The following NXPH2 variants were observed in gnomAD, a reference collection of about 807,000 sequenced individuals.
NXPH2 encodes the protein neurexophilin 2.
Under a neutral mutation model 19.8 loss-of-function variants are expected in NXPH2, and 5 were observed. That is an observed-to-expected ratio of 0.25 (90% CI 0.13 to 0.53). The LOEUF (loss-of-function observed/expected upper bound fraction) is 0.53. Ranked by LOEUF, NXPH2 falls within the 20% of genes least tolerant of loss-of-function variation. The probability of loss-of-function intolerance (pLI) is 0.96; values close to 1 mark genes in which losing one functional copy is unlikely to be tolerated. For missense variants in NXPH2, 289 were observed against 322.8 expected (o/e 0.90, Z 0.80); for synonymous variants, 154 against 127.4 (o/e 1.21, Z -1.41).
At chr2:138,769,999 A>T (rs1682152146) in intron 1 of NXPH2, among the ~76,000 whole-genome samples, 1 of 152,238 alleles carries the variant, frequency 6.6e-6, no homozygotes. Flanking sequence ...AAACAAATTT[A>T]AGGATACAGA....
chr2:138,720,635 A>G (rs1380973862), intron 1 of NXPH2, among the ~76,000 whole-genome samples: 5 of 152,212 alleles, frequency 3.3e-5, no homozygotes, highest in Admixed American at 3.3e-4. Flanking sequence ...CAGCTCTTTG[A>G]AGGAACTGTA....
At chr2:138,729,966 G>A (rs1681421778) in intron 1 of NXPH2, among the ~76,000 whole-genome samples, 1 of 152,112 alleles carries the variant, frequency 6.6e-6, no homozygotes, top group African/African-American at 2.4e-5. Flanking sequence ...TCACAGTCCT[G>A]GAGGTTAAAA....
intron 1 of NXPH2, among the ~76,000 whole-genome samples, chr2:138,738,255 T>A (rs1681584294): frequency 6.6e-6 from 1 of 152,186 alleles, no homozygotes; most frequent in African/African-American, 2.4e-5. Context: ...TTCTAAAATT[T>A]ATTTTCTTCA....
intron 1 of NXPH2, among the ~76,000 whole-genome samples, chr2:138,775,816 GC>G (rs1682252470): frequency 6.6e-6 from 1 of 152,048 alleles, no homozygotes; most frequent in South Asian, 2.1e-4. Flanking sequence ...ATTTTTTAAA[GC>G]CGTTTTGAAA....
intron 1 of NXPH2, among the ~76,000 whole-genome samples, chr2:138,742,665 T>C (rs1483754505): frequency 1.3e-5 from 2 of 152,168 alleles, no homozygotes; most frequent in South Asian, 2.1e-4. Context: ...TGGCTGAAAC[T>C]GTATCCATTC....
chr2:138,731,188 C>T (rs1681443124), intron 1 of NXPH2, among the ~76,000 whole-genome samples: 1 of 151,954 alleles, frequency 6.6e-6, no homozygotes, highest in East Asian at 1.9e-4. Flanking sequence ...TTTTGTTCAC[C>T]CTGCATAGGA....
chr2:138,777,831 T>TAAAAAAAAAAA (rs11299940), intron 1 of NXPH2, among the ~76,000 whole-genome samples: 9 of 92,952 alleles, frequency 9.7e-5, no homozygotes, highest in East Asian at 3.3e-4. Context: ...ACCAAAAAAT[T>TAAAAAAAAAAA]AAAAAAAAAA....
intron 1 of NXPH2, among the ~76,000 whole-genome samples, chr2:138,680,475 A>G (rs1182239831): frequency 1.3e-5 from 2 of 152,222 alleles, no homozygotes; most frequent in African/African-American, 4.8e-5. Flanking sequence ...TTTGTGCTGT[A>G]GGCACTGAGA....
chr2:138,757,383 A>G lies in NXPH2; in HGVS notation c.51+22808T>C, dbSNP rs560715114. ...GAACATGAAGCAGCAGCAGGCCTAT[A>G]ATGATTCCACCTTCCCTTGGGTCCT... On this transcript the variant is annotated intron_variant, in intron 1 of 1. Coordinates refer to ENST00000272641, the MANE Select transcript of NXPH2 (RefSeq NM_007226.3). 9.2e-5 allele frequency among the ~76,000 whole-genome samples: 14 copies of G among 152,252 alleles called. 2 individuals carry two copies. The South Asian group carries it at 2.9e-3, about 32-fold the overall frequency.
At chr2:138,721,899 T>C (rs531511377) in intron 1 of NXPH2, among the ~76,000 whole-genome samples, 1 of 152,364 alleles carries the variant, frequency 6.6e-6, no homozygotes, top group South Asian at 2.1e-4. Flanking sequence ...TTGAGTATTC[T>C]GTCTTTATTG....
At chr2:138,739,257 G>A (rs1026840214) in intron 1 of NXPH2, among the ~76,000 whole-genome samples, 1 of 152,104 alleles carries the variant, frequency 6.6e-6, no homozygotes, top group African/African-American at 2.4e-5. Flanking sequence ...ACACTAGGAG[G>A]CTCCAGGAAG....
At chr2:138,744,683 T>C (rs1681698802) in intron 1 of NXPH2, among the ~76,000 whole-genome samples, 1 of 152,160 alleles carries the variant, frequency 6.6e-6, no homozygotes, top group African/African-American at 2.4e-5. Flanking sequence ...ACGGACCTGC[T>C]TGAACATGCT....
At chr2:138,749,845 A>T (rs1035047836) in intron 1 of NXPH2, among the ~76,000 whole-genome samples, 20 of 152,186 alleles carry the variant, frequency 1.3e-4, no homozygotes. Context: ...CAAACTTAAG[A>T]CCAATGCAAG....
intron 1 of NXPH2, among the ~76,000 whole-genome samples, chr2:138,753,628 A>G (rs78887261): frequency 0.025 from 3,805 of 152,222 alleles, 65 homozygotes; most frequent in South Asian, 0.04. Flanking sequence ...TTTTATGTGC[A>G]ACCATGTGTA....
chr2:138,761,293 A>G (rs1053200229), intron 1 of NXPH2, among the ~76,000 whole-genome samples: 1 of 152,124 alleles, frequency 6.6e-6, no homozygotes, highest in African/African-American at 2.4e-5. Context: ...GTTTCGTCTG[A>G]TTGATGTCAT....
chr2:138,677,425 A>G (rs1347092854), intron 1 of NXPH2, among the ~76,000 whole-genome samples: 3 of 152,220 alleles, frequency 2.0e-5, no homozygotes, highest in Admixed American at 2.0e-4. Flanking sequence ...CACATTAGCT[A>G]GATACAATGA....
At chr2:138,747,469 G>A (rs142129691) in intron 1 of NXPH2, among the ~76,000 whole-genome samples, 32 of 152,246 alleles carry the variant, frequency 2.1e-4, no homozygotes, top group African/African-American at 4.3e-4. Context: ...AAGGGGCCCC[G>A]TGTGGTACAC....
Position 138,736,228 on chromosome 2 carries a change from C to T in NXPH2, c.51+43963G>A, listed in dbSNP as rs72988948. On this transcript the variant is annotated intron_variant, in intron 1 of 1. Coordinates refer to ENST00000272641, the MANE Select transcript of NXPH2 (RefSeq NM_007226.3). The stretch of plus-strand genomic sequence containing the variant: ...GGGGCTCCTATCTCACACTTCCCTT[C>T]TGCACTTCCCCAGCAGAGGTTCTCC... Among the ~76,000 whole-genome samples the T allele has an allele frequency of 2.5e-3, 386 of 152,332 alleles. 1 individual carries two copies. The highest frequency in any genetic ancestry group is 8.5e-3 in the African/African-American group (355 of 41,584).
chr2:138,697,186 G>A (rs4954948), intron 1 of NXPH2, among the ~76,000 whole-genome samples: 76,764 of 151,886 alleles, frequency 0.51, 21,487 homozygotes, highest in South Asian at 0.75. Flanking sequence ...GGTGTTGACT[G>A]CAAAGGGACT....
Sources: allele counts gnomAD v4.1 joint callset (sites outside exome capture counted in the v4.1 genomes callset), GRCh38; gene constraint gnomAD v4.1.1; transcripts MANE v1.5; gene names NCBI Gene and HGNC (gene_info 2026-07-23, HGNC 2026-07-21).